The following TMCO5A variants were observed in gnomAD, a reference collection of about 807,000 sequenced individuals.
The protein encoded by TMCO5A is transmembrane and coiled-coil domain-containing protein 5A.
In TMCO5A, 34 loss-of-function variants were observed where a neutral mutation model predicts 42.3. The ratio of observed to expected loss-of-function variants is 0.80; its 90% CI spans 0.61 to 1.07. The LOEUF (loss-of-function observed/expected upper bound fraction) is 1.07. Among genes scored for constraint, TMCO5A ranks in the 50% least tolerant of loss-of-function variants. The pLI, the probability that TMCO5A is intolerant of heterozygous loss-of-function variation, is 0.00. For missense variants in TMCO5A, 357 were observed against 327.9 expected, an observed-to-expected ratio of 1.09 and a Z score of -0.69; for synonymous variants, 131 against 115.6, an observed-to-expected ratio of 1.13 and a Z score of -0.86.
chr15:37,975,124 T>C, the TMCO5A span, among the ~76,000 whole-genome samples: 1 of 152,320 alleles, frequency 6.6e-6, no homozygotes, highest in East Asian at 1.9e-4. Context: ...ATAATTTGGG[T>C]TTTTTAAATT....
intron 6 of TMCO5A, 26 bp from the exon 7 acceptor site, chr15:37,941,123 T>A: frequency 6.2e-7 from 1 of 1,612,302 alleles, no homozygotes; most frequent in Non-Finnish European, 8.5e-7. Flanking sequence ...CCTTGCCAAG[T>A]TAGCAGTCTC....
the TMCO5A span, among the ~76,000 whole-genome samples, chr15:38,018,778 T>A: frequency 6.6e-6 from 1 of 152,200 alleles, no homozygotes; most frequent in Admixed American, 6.5e-5. Flanking sequence ...GTTATTTTTT[T>A]TTTTACATAC....
At chr15:37,973,747 A>G in the TMCO5A span, among the ~76,000 whole-genome samples, 2 of 152,244 alleles carry the variant, frequency 1.3e-5, no homozygotes, top group African/African-American at 2.4e-5. Flanking sequence ...TCCTATTTCT[A>G]TGTCTTTAGT....
At chr15:37,962,574 G>A (rs981314466) in intron 11 of TMCO5A, among the ~76,000 whole-genome samples, 5 of 151,884 alleles carry the variant, frequency 3.3e-5, no homozygotes, top group African/African-American at 1.2e-4. Context: ...GGGGATGGGG[G>A]TTCCCTCTTT....
At chr15:37,971,511 T>C (rs1008422710), downstream of TMCO5A, among the ~76,000 whole-genome samples, 4 of 152,230 alleles carry the variant, frequency 2.6e-5, no homozygotes, top group Admixed American at 2.6e-4. Context: ...AATTCCTCAT[T>C]ACTTATGCAA....
At chr15:38,001,126 G>C in the TMCO5A span, among the ~76,000 whole-genome samples, 1 of 151,830 alleles carries the variant, frequency 6.6e-6, no homozygotes, top group African/African-American at 2.4e-5. Context: ...ATTGTATTGG[G>C]GTCTATCTCT....
At chr15:37,985,237 CAA>C in the TMCO5A span, among the ~76,000 whole-genome samples, 649 of 152,252 alleles carry the variant, frequency 4.3e-3, 6 homozygotes, top group African/African-American at 0.015. Context: ...TCCCACCACA[CAA>C]GAGGCAAACC....
the TMCO5A span, among the ~76,000 whole-genome samples, chr15:38,035,537 A>G: frequency 0.015 from 2,274 of 152,278 alleles, 50 homozygotes; most frequent in African/African-American, 0.052. Context: ...TGCATGAGTG[A>G]AGAGGCTGAG....
At chr15:37,970,463 C>G (rs905774009), downstream of TMCO5A, among the ~76,000 whole-genome samples, 1 of 152,202 alleles carries the variant, frequency 6.6e-6, no homozygotes, top group Non-Finnish European at 1.5e-5. Context: ...GGTGGGGACA[C>G]AGTCAAACCA....
chr15:38,027,928 T>C, the TMCO5A span, among the ~76,000 whole-genome samples: 1 of 152,144 alleles, frequency 6.6e-6, no homozygotes, highest in African/African-American at 2.4e-5. Flanking sequence ...CCCAGACATG[T>C]GGAACTGTAA....
the TMCO5A span, among the ~76,000 whole-genome samples, chr15:37,979,452 C>T: frequency 0.014 from 2,132 of 152,200 alleles, 59 homozygotes; most frequent in African/African-American, 0.049. Flanking sequence ...CCCTGCCACA[C>T]GACAGATCAA....
chr15:38,026,759 G>T, the TMCO5A span, among the ~76,000 whole-genome samples: 1 of 152,200 alleles, frequency 6.6e-6, no homozygotes, highest in Non-Finnish European at 1.5e-5. Context: ...GGGTCTCCAT[G>T]CTGTGTGCAG....
chr15:37,938,098 A>G (rs1889589710), intron 5 of TMCO5A, 60 bp from the exon 6 acceptor site: 7 of 1,397,950 alleles, frequency 5.0e-6, no homozygotes, highest in Non-Finnish European at 5.9e-6. Context: ...TCCACACACC[A>G]GAGAAAGTCT....
the TMCO5A span, among the ~76,000 whole-genome samples, chr15:38,020,777 AAAAT>A: frequency 2.0e-5 from 3 of 152,168 alleles, no homozygotes; most frequent in African/African-American, 4.8e-5. Flanking sequence ...ATTTTAAATA[AAAAT>A]AAATAAATAA....
chr15:37,986,244 C>A, the TMCO5A span, among the ~76,000 whole-genome samples: 1 of 151,982 alleles, frequency 6.6e-6, no homozygotes, highest in Non-Finnish European at 1.5e-5. Context: ...TACATACTGA[C>A]CAGCCTAGTG....
downstream of TMCO5A, among the ~76,000 whole-genome samples, chr15:37,953,268 G>A (rs191130993): frequency 2.0e-5 from 3 of 152,292 alleles, no homozygotes; most frequent in East Asian, 1.9e-4. Flanking sequence ...AAGACCCAGT[G>A]CTGTGCTGGC....
chr15:37,951,922 G>T (rs140227109), downstream of TMCO5A, among the ~76,000 whole-genome samples: 3 of 152,060 alleles, frequency 2.0e-5, no homozygotes, highest in African/African-American at 7.2e-5. Context: ...CAAGGGTGTG[G>T]TGTGGAGAGC....
At chr15:38,035,655 T>C in the TMCO5A span, among the ~76,000 whole-genome samples, 7 of 152,156 alleles carry the variant, frequency 4.6e-5, no homozygotes, top group African/African-American at 1.7e-4. Flanking sequence ...TGCCTTAAGA[T>C]TGACCACCCA....
downstream of TMCO5A, among the ~76,000 whole-genome samples, chr15:37,969,144 G>A (rs1396739448): frequency 6.6e-6 from 1 of 152,136 alleles, no homozygotes; most frequent in Non-Finnish European, 1.5e-5. Context: ...AATAAGAGGT[G>A]ACATTAAATC....
Sources: allele counts gnomAD v4.1 joint callset (sites outside exome capture counted in the v4.1 genomes callset), GRCh38; gene constraint gnomAD v4.1.1; transcripts MANE v1.5; gene names NCBI Gene and HGNC (gene_info 2026-07-23, HGNC 2026-07-21).